PCDHA11: variants seen among roughly 807,000 people sequenced by gnomAD.
PCDHA11 encodes the protein protocadherin alpha-11.
A neutral mutation model predicts 70.3 loss-of-function variants in PCDHA11; 61 were observed. The observed-to-expected ratio is 0.87, with a 90% CI of 0.71 to 1.07. The LOEUF (loss-of-function observed/expected upper bound fraction) is 1.07, where lower values mean the gene tolerates loss of function less well. Ranked by LOEUF, PCDHA11 falls within the 50% of genes least tolerant of loss-of-function variation. PCDHA11 has a pLI of 0.00. For synonymous variants in PCDHA11, 633 were observed against 555.1 expected, an observed-to-expected ratio of 1.14 and a Z score of -1.97; for missense variants, 1,324 against 1,237.5, an observed-to-expected ratio of 1.07 and a Z score of -1.05.
chr5:140,884,444 C>G (rs1186302015), intron 1 of PCDHA11: 1 of 1,613,776 alleles, frequency 6.2e-7, no homozygotes, highest in East Asian at 2.2e-5. Flanking sequence ...GTGCTCGGCA[C>G]CGCCCACCGA....
chr5:140,889,547 T>C (rs2062267601), intron 1 of PCDHA11, among the ~76,000 whole-genome samples: 1 of 152,192 alleles, frequency 6.6e-6, no homozygotes, highest in Non-Finnish European at 1.5e-5. Context: ...TCTAATTTAC[T>C]TTTCTTCAGA....
intron 1 of PCDHA11, chr5:140,966,455 C>T (rs376758355): frequency 4.7e-6 from 2 of 426,810 alleles, no homozygotes; most frequent in East Asian, 3.5e-5. Flanking sequence ...CCCCCTCCCC[C>T]TCTGTCTTCC....
chr5:141,009,510 C>T (rs936602953), intron 3 of PCDHA11, 117 bp from the exon 4 acceptor site: 7 of 1,498,300 alleles, frequency 4.7e-6, no homozygotes, highest in Admixed American at 4.7e-5. Flanking sequence ...ACAAACAACT[C>T]GTGATTTTTC....
intron 1 of PCDHA11, among the ~76,000 whole-genome samples, chr5:140,924,726 C>T (rs1294650773): frequency 1.3e-5 from 2 of 151,796 alleles, no homozygotes; most frequent in African/African-American, 4.8e-5. Context: ...GAAACCTCAC[C>T]TCTAATAAAA....
At chr5:140,886,860 C>T (rs1363871264) in intron 1 of PCDHA11, among the ~76,000 whole-genome samples, 1 of 151,304 alleles carries the variant, frequency 6.6e-6, no homozygotes, top group East Asian at 1.9e-4. Flanking sequence ...AAGGTCTTCC[C>T]AACTCCTATA....
chr5:140,959,141 C>G (rs936183508), intron 1 of PCDHA11, among the ~76,000 whole-genome samples: 1 of 151,924 alleles, frequency 6.6e-6, no homozygotes, highest in Admixed American at 6.6e-5. Context: ...CTTTGGGAGG[C>G]CAAAGTGGGC....
chr5:140,909,895 C>A (rs1296442880), intron 1 of PCDHA11, among the ~76,000 whole-genome samples: 1 of 152,152 alleles, frequency 6.6e-6, no homozygotes, highest in Non-Finnish European at 1.5e-5. Context: ...GTTCAGTAGT[C>A]CCTGAAATGG....
intron 1 of PCDHA11, among the ~76,000 whole-genome samples, chr5:140,879,706 A>T (rs2058090742): frequency 6.6e-6 from 1 of 152,246 alleles, no homozygotes; most frequent in African/African-American, 2.4e-5. Context: ...ATTATTTCTC[A>T]GTATTGGAGA....
chr5:140,971,973 A>G (rs1554233757), intron 1 of PCDHA11, among the ~76,000 whole-genome samples: 1 of 152,218 alleles, frequency 6.6e-6, no homozygotes, highest in South Asian at 2.1e-4. Flanking sequence ...TTTCAATACT[A>G]TGAGTAGACA....
intron 1 of PCDHA11, chr5:140,927,184 G>A (rs781951426): frequency 1.2e-6 from 2 of 1,614,160 alleles, no homozygotes; most frequent in South Asian, 1.1e-5. Context: ...CTTGACCTAC[G>A]ACCTGGTGCT....
intron 1 of PCDHA11, among the ~76,000 whole-genome samples, chr5:140,959,712 T>A (rs166567): frequency 0.25 from 37,822 of 152,086 alleles, 5,932 homozygotes; most frequent in African/African-American, 0.45. Flanking sequence ...AAAGGGAAAA[T>A]TTTTAGATAA....
chr5:140,935,605 T>C (rs1554210594), intron 1 of PCDHA11, among the ~76,000 whole-genome samples: 4 of 152,228 alleles, frequency 2.6e-5, no homozygotes. Flanking sequence ...AGAGCTAGGC[T>C]TTTTTCAAGT....
chr5:140,872,902 C>G lies in PCDHA11; in HGVS notation c.2391+1408C>G, dbSNP rs78252676. ...TCATTCATCTCACTTTGTAACTGCT[C>G]TATCTTGTAATGCCTTATCTCTAAT... On this transcript the variant is annotated intron_variant, in intron 1 of 3. Coordinates refer to ENST00000398640, the MANE Select transcript of PCDHA11 (RefSeq NM_018902.5). Among the ~76,000 whole-genome samples, 460 of 152,278 alleles carry G rather than the reference C, an allele frequency of 3.0e-3. 1 individual carries two copies. The highest frequency in any genetic ancestry group is 9.4e-3 in the Admixed American group (143 of 15,288).
At chr5:140,971,958 C>CT (rs1176007834) in intron 1 of PCDHA11, among the ~76,000 whole-genome samples, 3 of 152,054 alleles carry the variant, frequency 2.0e-5, no homozygotes, top group African/African-American at 4.8e-5. Context: ...ACTCCAAAAA[C>CT]TTTTTTTCAA....
chr5:140,909,550 A>C (rs549281873), intron 1 of PCDHA11, among the ~76,000 whole-genome samples: 2 of 152,232 alleles, frequency 1.3e-5, no homozygotes, highest in East Asian at 3.9e-4. Context: ...GGTGGCACTA[A>C]TCTCTGCAAC....
intron 1 of PCDHA11, chr5:140,969,611 A>G: frequency 1.4e-6 from 1 of 723,476 alleles, no homozygotes; most frequent in Non-Finnish European, 2.2e-6. Flanking sequence ...TAAAACACAG[A>G]TTTGTAGAGA....
intron 1 of PCDHA11, among the ~76,000 whole-genome samples, chr5:140,901,939 A>G (rs1583441166): frequency 6.6e-6 from 1 of 151,884 alleles, no homozygotes; most frequent in Non-Finnish European, 1.5e-5. Flanking sequence ...TCCTAGGTAT[A>G]TTTAGTTTTA....
At chr5:140,966,405 A>G (rs562045428) in intron 1 of PCDHA11, 6 of 404,248 alleles carry the variant, frequency 1.5e-5, no homozygotes, top group African/African-American at 1.2e-4. Context: ...TCGGCGCGGA[A>G]TCAGAGCAGG....
At chr5:140,928,292 T>G in intron 1 of PCDHA11, 1 of 1,614,086 alleles carries the variant, frequency 6.2e-7, no homozygotes, top group Middle Eastern at 1.6e-4. Flanking sequence ...CTAGGCCGAG[T>G]GTTTGCCCAG....
Sources: allele counts gnomAD v4.1 joint callset (sites outside exome capture counted in the v4.1 genomes callset), GRCh38; gene constraint gnomAD v4.1.1; transcripts MANE v1.5; gene names NCBI Gene and HGNC (gene_info 2026-07-23, HGNC 2026-07-21).